Variants in ARL17A observed in about 807,000 individuals in gnomAD.
ARL17A encodes ADP-ribosylation factor-like 17-like.
chr17:46,541,597 T>C (rs1264616682), intron 3 of ARL17A, among the ~76,000 whole-genome samples: 2 of 150,834 alleles, frequency 1.3e-5, no homozygotes, highest in Non-Finnish European at 2.9e-5. Flanking sequence ...ATCCATGTTG[T>C]TGCACCTATC....
At chr17:46,551,075 C>G (rs1296541040), downstream of ARL17A, among the ~76,000 whole-genome samples, 5 of 150,184 alleles carry the variant, frequency 3.3e-5, 1 homozygote, top group Middle Eastern at 0.014. Context: ...TTTAAGTTCA[C>G]TGGTGAGGGG....
At chr17:46,534,853 C>T (rs1239319447) in intron 4 of ARL17A, among the ~76,000 whole-genome samples, 7 of 148,892 alleles carry the variant, frequency 4.7e-5, no homozygotes, top group Non-Finnish European at 8.8e-5. Flanking sequence ...CCAGACAGGG[C>T]GGCTGCCGGG....
intron 4 of ARL17A, among the ~76,000 whole-genome samples, chr17:46,530,389 A>G (rs1449129575): frequency 6.9e-6 from 1 of 144,974 alleles, no homozygotes; most frequent in Non-Finnish European, 1.5e-5. Context: ...TCTTTGTAAC[A>G]TCATCTTATT....
intron 4 of ARL17A, among the ~76,000 whole-genome samples, chr17:46,530,519 T>C: frequency 1.4e-5 from 1 of 70,804 alleles, no homozygotes; most frequent in Non-Finnish European, 2.9e-5. Flanking sequence ...TGACTCACTC[T>C]GATCTTGGTC....
chr17:46,502,640 GCTGT>G, the ARL17A span, among the ~76,000 whole-genome samples: 1 of 151,442 alleles, frequency 6.6e-6, no homozygotes, highest in Non-Finnish European at 1.5e-5. Flanking sequence ...ACACCTAGTT[GCTGT>G]CTTTTTTGCT....
Position 46,552,762 on chromosome 17 carries a change from GTACAATATGTATACATTT to G in ARL17A, c.*4576_*4593del, listed in dbSNP as rs1282224844. The stretch of plus-strand genomic sequence containing the variant: ...GTACAATATAACAACTGTCAACAAT[GTACAATATGTATACATTT>G]TATTAGTGATGACTTAAATTACATG... On this transcript the variant is annotated 3_prime_UTR_variant, in exon 4 of 4. Coordinates refer to ENST00000336125, the MANE Select transcript of ARL17A (RefSeq NM_001113738.2). 1 of 95,914 alleles carries G rather than the reference GTACAATATGTATACATTT, an allele frequency of 1.0e-5. No individual in the cohort carries two copies. The allele number at this position is 95,914 out of a possible 1,614,324, so 5.9% of individuals were successfully genotyped here. A position where few individuals can be genotyped will look rare whatever the true frequency, so the allele number is the denominator to read the frequency against.
At chr17:46,537,068 T>C (rs1248137163) in intron 4 of ARL17A, among the ~76,000 whole-genome samples, 1 of 5,920 alleles carries the variant, frequency 1.7e-4, no homozygotes, top group African/African-American at 2.2e-4. Flanking sequence ...AAAAAGTTTA[T>C]TGTGGTCAAT....
chr17:46,500,811 A>G, the ARL17A span, among the ~76,000 whole-genome samples: 1 of 151,130 alleles, frequency 6.6e-6, no homozygotes, highest in Non-Finnish European at 1.5e-5. Flanking sequence ...CTTAGGGGAA[A>G]TAACCTATCA....
chr17:46,529,445 G>A (rs2053324608), intron 4 of ARL17A, among the ~76,000 whole-genome samples: 1 of 107,606 alleles, frequency 9.3e-6, no homozygotes, highest in Non-Finnish European at 2.1e-5. Flanking sequence ...GGGAGTCAGT[G>A]CACCTTAGTT....
chr17:46,543,496 C>T (rs1364059496), intron 3 of ARL17A, among the ~76,000 whole-genome samples: 7 of 150,960 alleles, frequency 4.6e-5, no homozygotes, highest in South Asian at 2.1e-4. Context: ...AATGTGTATA[C>T]GGACCGCATA....
At chr17:46,520,024 TGTG>T (rs1329822599) in intron 3 of ARL17A, among the ~76,000 whole-genome samples, 1 of 85,356 alleles carries the variant, frequency 1.2e-5, no homozygotes, top group Non-Finnish European at 3.0e-5. Flanking sequence ...TGTGTGTGTT[TGTG>T]GTGGTGGTGG....
At chr17:46,532,925 A>T (rs1310286405) in intron 4 of ARL17A, among the ~76,000 whole-genome samples, 3 of 143,406 alleles carry the variant, frequency 2.1e-5, no homozygotes, top group Non-Finnish European at 4.5e-5. Context: ...ACATACTGAG[A>T]GCTTATCTCT....
At chr17:46,543,660 T>C (rs1437828271) in intron 3 of ARL17A, among the ~76,000 whole-genome samples, 5 of 150,840 alleles carry the variant, frequency 3.3e-5, no homozygotes, top group Non-Finnish European at 7.3e-5. Flanking sequence ...GTCCAGAAAA[T>C]GTATAGACAT....
At chr17:46,532,709 T>C (rs2053870661) in intron 4 of ARL17A, among the ~76,000 whole-genome samples, 2 of 145,922 alleles carry the variant, frequency 1.4e-5, no homozygotes, top group African/African-American at 5.4e-5. Flanking sequence ...TAGCATATAT[T>C]GTTTATATGT....
chr17:46,551,453 C>T (rs1280760084), downstream of ARL17A, among the ~76,000 whole-genome samples: 1 of 148,492 alleles, frequency 6.7e-6, no homozygotes, highest in African/African-American at 2.6e-5. Flanking sequence ...AGCCCCTCAC[C>T]AAACCCCAGT....
intron 3 of ARL17A, among the ~76,000 whole-genome samples, chr17:46,542,592 A>G (rs2055573554): frequency 1.3e-5 from 2 of 149,814 alleles, no homozygotes; most frequent in South Asian, 4.2e-4. Context: ...CTACTAGGGA[A>G]CCTGAGTCAG....
chr17:46,503,190 C>T, the ARL17A span, among the ~76,000 whole-genome samples: 3 of 132,172 alleles, frequency 2.3e-5, no homozygotes, highest in East Asian at 4.5e-4. Flanking sequence ...CCAGCCTGGG[C>T]GACAGAGGGA....
chr17:46,500,982 C>G, the ARL17A span, among the ~76,000 whole-genome samples: 1 of 151,094 alleles, frequency 6.6e-6, no homozygotes, highest in Non-Finnish European at 1.5e-5. Context: ...GAGTTTGAGA[C>G]CAGCCTGGCT....
downstream of ARL17A, among the ~76,000 whole-genome samples, chr17:46,516,229 G>A (rs1428033943): frequency 1.4e-5 from 2 of 138,496 alleles, no homozygotes; most frequent in Non-Finnish European, 3.3e-5. Context: ...CATGAACCTG[G>A]GAGGCAGAGC....
Sources: allele counts gnomAD v4.1 joint callset (sites outside exome capture counted in the v4.1 genomes callset), GRCh38; gene constraint gnomAD v4.1.1; transcripts MANE v1.5; gene names NCBI Gene and HGNC (gene_info 2026-07-23, HGNC 2026-07-21).